SYNPR: variants seen among roughly 807,000 people sequenced by gnomAD.
SYNPR encodes synaptoporin.
A neutral mutation model predicts 32.9 loss-of-function variants in SYNPR; 23 were observed. That is an observed-to-expected ratio of 0.70 (90% CI 0.50 to 0.99). SYNPR has a LOEUF of 0.99. Ranked by LOEUF, SYNPR falls within the 50% of genes least tolerant of loss-of-function variation. SYNPR has a pLI of 0.00. For missense variants in SYNPR, 318 were observed against 349.3 expected, an observed-to-expected ratio of 0.91 and a Z score of 0.71; for synonymous variants, 146 against 135.9, an observed-to-expected ratio of 1.07 and a Z score of -0.52.
chr3:63,471,641 C>T (rs987230553), intron 2 of SYNPR, among the ~76,000 whole-genome samples: 7 of 152,202 alleles, frequency 4.6e-5, no homozygotes, highest in Non-Finnish European at 7.3e-5. Context: ...TTAACAAAAC[C>T]TTTCTGCGCT....
At chr3:63,520,887 C>T (rs1212795468) in intron 3 of SYNPR, among the ~76,000 whole-genome samples, 1 of 151,854 alleles carries the variant, frequency 6.6e-6, no homozygotes, top group Non-Finnish European at 1.5e-5. Flanking sequence ...GAGTGAGAGT[C>T]TAGCTTGACT....
intron 2 of SYNPR, among the ~76,000 whole-genome samples, chr3:63,412,196 G>T (rs2088475609): frequency 6.6e-6 from 1 of 152,192 alleles, no homozygotes; most frequent in African/African-American, 2.4e-5. Context: ...GGCAGCAAAA[G>T]AGTGAGAATA....
chr3:63,537,935 A>T (rs2106798535), intron 3 of SYNPR, among the ~76,000 whole-genome samples: 1 of 152,148 alleles, frequency 6.6e-6, no homozygotes, highest in East Asian at 1.9e-4. Context: ...TGGGACATCT[A>T]CCCCTGGTTG....
chr3:63,318,222 A>G (rs2087064960), intron 2 of SYNPR, among the ~76,000 whole-genome samples: 1 of 151,990 alleles, frequency 6.6e-6, no homozygotes, highest in Non-Finnish European at 1.5e-5. Context: ...TAACCTGATG[A>G]CAATGTGCCT....
At chr3:63,350,087 C>A (rs1187498836) in intron 2 of SYNPR, among the ~76,000 whole-genome samples, 1 of 152,092 alleles carries the variant, frequency 6.6e-6, no homozygotes, top group Non-Finnish European at 1.5e-5. Flanking sequence ...TTACATTATA[C>A]TGTCTCATCT....
At chr3:63,209,496 A>G in the SYNPR span, among the ~76,000 whole-genome samples, 1 of 152,154 alleles carries the variant, frequency 6.6e-6, no homozygotes, top group Admixed American at 6.5e-5. Flanking sequence ...TTAAACAACA[A>G]AGTACAGTCA....
At chr3:63,489,260 A>G (rs192108822) in intron 3 of SYNPR, among the ~76,000 whole-genome samples, 87 of 152,310 alleles carry the variant, frequency 5.7e-4, no homozygotes, top group African/African-American at 1.9e-3. Flanking sequence ...CCATCCGGCA[A>G]GTGTTCAGGC....
chr3:63,606,660 G>C (rs1415999929), intron 4 of SYNPR, among the ~76,000 whole-genome samples: 1 of 151,564 alleles, frequency 6.6e-6, no homozygotes, highest in East Asian at 1.9e-4. Flanking sequence ...TGAACTCCTG[G>C]GTTCAAACAA....
intron 2 of SYNPR, among the ~76,000 whole-genome samples, chr3:63,465,220 A>G (rs1483073318): frequency 2.0e-5 from 3 of 152,120 alleles, no homozygotes; most frequent in Non-Finnish European, 4.4e-5. Context: ...ATAATGAGAA[A>G]AAGCTACTCT....
intron 4 of SYNPR, among the ~76,000 whole-genome samples, chr3:63,599,693 T>C (rs916476718): frequency 6.6e-6 from 1 of 152,188 alleles, no homozygotes; most frequent in African/African-American, 2.4e-5. Context: ...CACATGTTAA[T>C]CTCCCAGTAT....
intron 2 of SYNPR, among the ~76,000 whole-genome samples, chr3:63,280,664 C>T (rs763586607): frequency 1.1e-4 from 16 of 152,130 alleles, no homozygotes; most frequent in Non-Finnish European, 1.6e-4. Flanking sequence ...TTTATTCATT[C>T]ACTCATAAGA....
intron 2 of SYNPR, among the ~76,000 whole-genome samples, chr3:63,311,345 A>G (rs2086961625): frequency 6.6e-6 from 1 of 152,050 alleles, no homozygotes; most frequent in Non-Finnish European, 1.5e-5. Flanking sequence ...TGGAATTTAG[A>G]TAAAGTTTTA....
intron 3 of SYNPR, among the ~76,000 whole-genome samples, chr3:63,527,234 A>G (rs1575693017): frequency 6.6e-6 from 1 of 152,270 alleles, no homozygotes; most frequent in South Asian, 2.1e-4. Context: ...TGGAAAATTT[A>G]TGTAACACTT....
intron 2 of SYNPR, among the ~76,000 whole-genome samples, chr3:63,425,950 T>A (rs535560350): frequency 6.6e-6 from 1 of 151,170 alleles, no homozygotes; most frequent in Non-Finnish European, 1.5e-5. Context: ...GCCCAGCTAA[T>A]TTTTTTTTGC....
intron 2 of SYNPR, among the ~76,000 whole-genome samples, chr3:63,315,993 T>C (rs1391808368): frequency 1.3e-5 from 2 of 152,096 alleles, no homozygotes; most frequent in Non-Finnish European, 2.9e-5. Context: ...TCTATTGAGA[T>C]GATTGTGTTA....
chr3:63,542,645 T>C (rs1488394775), intron 3 of SYNPR, among the ~76,000 whole-genome samples: 1 of 152,110 alleles, frequency 6.6e-6, no homozygotes, highest in Non-Finnish European at 1.5e-5. Context: ...ATCAGTTGAA[T>C]AGAGAATATC....
chr3:63,237,533 C>T (rs945591176), intron 1 of SYNPR, among the ~76,000 whole-genome samples: 7 of 152,060 alleles, frequency 4.6e-5, no homozygotes, highest in Admixed American at 3.3e-4. Context: ...CCTGATTTAT[C>T]GCGGTGGGCG....
At chr3:63,250,920 T>C (rs1049015202) in intron 1 of SYNPR, among the ~76,000 whole-genome samples, 8 of 152,162 alleles carry the variant, frequency 5.3e-5, no homozygotes, top group African/African-American at 1.7e-4. Flanking sequence ...TTTTCTTTTT[T>C]TTAGCTATGG....
chr3:63,311,965 T>G (rs1312729297), intron 2 of SYNPR, among the ~76,000 whole-genome samples: 4 of 151,992 alleles, frequency 2.6e-5, no homozygotes, highest in Admixed American at 6.6e-5. Context: ...AAATTCTGCC[T>G]TCTGAGCCTC....
Sources: allele counts gnomAD v4.1 joint callset (sites outside exome capture counted in the v4.1 genomes callset), GRCh38; gene constraint gnomAD v4.1.1; transcripts MANE v1.5; gene names NCBI Gene and HGNC (gene_info 2026-07-23, HGNC 2026-07-21).